The following EIF1 variants were observed in gnomAD, a reference collection of about 807,000 sequenced individuals.
The protein encoded by EIF1 is eukaryotic translation initiation factor 1, also known as protein translation factor SUI1 homolog.
A neutral mutation model predicts 13.7 loss-of-function variants in EIF1; 4 were observed. The ratio of observed to expected loss-of-function variants is 0.29; its 90% CI spans 0.14 to 0.67. The LOEUF (loss-of-function observed/expected upper bound fraction) is 0.67, where lower values mean the gene tolerates loss of function less well. Ranked by LOEUF, EIF1 falls within the 30% of genes least tolerant of loss-of-function variation. The probability of loss-of-function intolerance (pLI) is 0.77; values close to 1 mark genes in which losing one functional copy is unlikely to be tolerated. For missense variants in EIF1, 64 were observed against 138.0 expected, an observed-to-expected ratio of 0.46 and a Z score of 2.69; for synonymous variants, 67 against 50.7, an observed-to-expected ratio of 1.32 and a Z score of -1.37.
At position 41,690,764 on chromosome 17, in the gene EIF1, GCC is replaced by G. The variant is rs1351879336; in HGVS notation, c.298-16_298-15del. On this transcript the variant is annotated splice_polypyrimidine_tract_variant and intron_variant, in intron 3 of 3. Transcript: ENST00000469257. ...CTCCCTGTCCCCCATTTAAAACTTT[GCC>G]CTTTTGTCTTTTCAGATTGGACTGG... The G allele has an allele frequency of 6.2e-7, 1 of 1,613,824 alleles. No homozygotes were observed. Among genetic ancestry groups the G allele is most frequent in the African/African-American group, 1.3e-5 (1 of 75,018 alleles).
At chr17:41,690,444 C>T (rs1033096326) in intron 3 of EIF1, 8 of 550,974 alleles carry the variant, frequency 1.5e-5, no homozygotes, top group East Asian at 6.0e-5. Flanking sequence ...TAAAATAAGC[C>T]AAATGCTGGG....
chr17:41,690,639 C>G, intron 3 of EIF1, 143 bp from the exon 4 acceptor site: 1 of 799,026 alleles, frequency 1.3e-6, no homozygotes, highest in South Asian at 1.7e-5. Context: ...TAGCTCTTAA[C>G]TGAGGACCCT....
rs567353048 is a variant in EIF1 at position 41,689,620 on chromosome 17, C to T, written c.32-158C>T. ...GGGGAAGCTGGCCGTCCCGGACTGA[C>T]CTGCTCGGGGAGAGCCAGCAAAGGA... On this transcript the variant is annotated intron_variant, in intron 1 of 3. Coordinates refer to ENST00000469257, the MANE Select transcript of EIF1 (RefSeq NM_005801.4). 15 of 694,564 alleles carry T rather than the reference C, an allele frequency of 2.2e-5. No homozygotes were observed. The South Asian group carries it at 2.4e-4, about 11-fold the overall frequency. 43.0% of individuals were successfully genotyped at this position (694,564 alleles called of 1,614,324 possible).
At chr17:41,689,695 C>T (rs549266185) in intron 1 of EIF1, 83 bp from the exon 2 acceptor site, 31 of 1,405,140 alleles carry the variant, frequency 2.2e-5, no homozygotes, top group Non-Finnish European at 2.7e-5. Flanking sequence ...GTTTTCTGCA[C>T]GCGCAAAACA....
chr17:41,689,640 A>G (rs1424452662), intron 1 of EIF1, 138 bp from the exon 2 acceptor site: 1 of 847,828 alleles, frequency 1.2e-6, no homozygotes, highest in Non-Finnish European at 1.8e-6. Context: ...GAGAGCCAGC[A>G]AAGGACACAT....
In EIF1 at chr17:41,690,976, C is replaced by T; in HGVS notation, c.*150C>T. ...TTAACTTGGACTAGTGTAACTCCTT[C>T]ATGCAATAAACTGAAAAGAGCCATG... is the stretch of plus-strand genomic sequence containing the variant. On this transcript the variant is annotated 3_prime_UTR_variant, in exon 4 of 4. Transcript: ENST00000469257. The T allele has an allele frequency of 1.3e-6, 1 of 773,292 alleles. No individual in the cohort carries two copies. Among genetic ancestry groups the T allele is most frequent in the Non-Finnish European group, 2.1e-6 (1 of 467,398 alleles). 47.9% of individuals were successfully genotyped at this position (773,292 alleles called of 1,614,324 possible). A position where few individuals can be genotyped will look rare whatever the true frequency, so the allele number is the denominator to read the frequency against.
At chr17:41,689,137 C>T in intron 1 of EIF1, 68 bp downstream of exon 1, 2 of 1,566,960 alleles carry the variant, frequency 1.3e-6, no homozygotes, top group South Asian at 2.2e-5. Flanking sequence ...AGACGTGTTC[C>T]GGGAAGTTGC....
rs1403797137 is a variant in EIF1 at position 41,691,699 on chromosome 17, A to G, written c.*873A>G. 6.5e-6 allele frequency: 1 copy of G among 152,684 alleles called. No homozygotes were observed. Among genetic ancestry groups the G allele is most frequent in the African/African-American group, 2.4e-5 (1 of 41,464 alleles). The allele number at this position is 152,684 out of a possible 1,614,324, so 9.5% of individuals were successfully genotyped here. On this transcript the variant is annotated 3_prime_UTR_variant, in exon 4 of 4. Coordinates refer to ENST00000469257, the MANE Select transcript of EIF1 (RefSeq NM_005801.4). The stretch of plus-strand genomic sequence containing the variant: ...TCGATCTTGTGCATATAAAGGAACC[A>G]TAGAAATGGGCAGTGGAGGATTCGT...
chr17:41,690,690 T>C, intron 3 of EIF1, 92 bp from the exon 4 acceptor site: 1 of 1,415,848 alleles, frequency 7.1e-7, no homozygotes, highest in South Asian at 1.2e-5. Flanking sequence ...TTGGGCAGTG[T>C]AGTAGCAGGA....
intron 3 of EIF1, 74 bp from the exon 4 acceptor site, chr17:41,690,708 G>A (rs1910350103): frequency 5.2e-6 from 8 of 1,543,602 alleles, no homozygotes; most frequent in Non-Finnish European, 6.3e-6. Context: ...GGAAGACAGG[G>A]TTGTTGCCAT....
rs753469530 is a variant in EIF1, at chr17:41,692,102, CTG to C, written c.*1278_*1279del. 1.3e-5 allele frequency: 2 copies of C among 152,300 alleles called. No individual in the cohort carries two copies. The highest frequency in any genetic ancestry group is 2.9e-5 in the Non-Finnish European group (2 of 68,122). The allele number at this position is 152,300 out of a possible 1,614,324, so 9.4% of individuals were successfully genotyped here. ...TGAGCCACCATGCCCAGCAGGTCAA[CTG>C]TTTTTGCAAGCATTTAGCCAGAGTC... On this transcript the variant is annotated 3_prime_UTR_variant, in exon 4 of 4. Transcript: ENST00000469257.
chr17:41,689,760 C>T lies in EIF1; in HGVS notation c.32-18C>T. 1 of 1,583,228 alleles carries T rather than the reference C, an allele frequency of 6.3e-7. No homozygotes were observed. The highest frequency in any genetic ancestry group is 8.6e-7 in the Non-Finnish European group (1 of 1,163,282). On this transcript the variant is annotated intron_variant, in intron 1 of 3. Coordinates refer to ENST00000469257, the MANE Select transcript of EIF1 (RefSeq NM_005801.4). Reference sequence around the variant, plus strand: ...CCTATCTTTGACAGCTCTGAACGAGCTTAACCTTTTTTTTCAGACCCCTTT... The same window carrying T: ...CCTATCTTTGACAGCTCTGAACGAGTTTAACCTTTTTTTTCAGACCCCTTT...
chr17:41,690,023 C>A lies in EIF1; in HGVS notation c.196-65C>A, dbSNP rs772993621. 3.7e-6 allele frequency: 6 copies of A among 1,609,194 alleles called. No homozygotes were observed. The African/African-American group carries it at 8.0e-5, about 22-fold the overall frequency. On this transcript the variant is annotated intron_variant, in intron 2 of 3. Coordinates refer to ENST00000469257, the MANE Select transcript of EIF1 (RefSeq NM_005801.4). ...CCAGCTGTGTTGTATGTATTGTTAG[C>A]GGAAGGGGTGATAAATGCGTTCATG...
chr17:41,690,759 A>G (rs754945660), intron 3 of EIF1, 23 bp from the exon 4 acceptor site: 2 of 1,613,630 alleles, frequency 1.2e-6, no homozygotes, highest in Admixed American at 3.3e-5. Context: ...CCCATTTAAA[A>G]CTTTGCCCTT....
rs1329636873 is a variant in EIF1, at chr17:41,689,055, A to G, written c.17A>G (p.Asn6Ser). The change falls in exon 1 of 4, where the codon AAC becomes AGC. Residue 6 changes from asparagine (N) to serine (S), a missense_variant. Around this residue, in one of 2 missense-constraint regions of EIF1, gnomAD observed 29 missense variants for 34.7 expected, o/e 0.84. Transcript: ENST00000469257. ...TCGTATCGTATGTCCGCTATCCAGA[A>G]CCTCCACTCTTTCGGTAAGCTATGG... MSAIQ[N>S]LHSFDPFADA... 2 of 1,612,942 alleles carry G rather than the reference A, an allele frequency of 1.2e-6. No homozygotes were observed. The highest frequency in any genetic ancestry group is 1.7e-6 in the Non-Finnish European group (2 of 1,179,768).
chr17:41,690,041 C>T, intron 2 of EIF1, 47 bp from the exon 3 acceptor site: 1 of 1,608,136 alleles, frequency 6.2e-7, no homozygotes, highest in Non-Finnish European at 8.5e-7. Flanking sequence ...GTGATAAATG[C>T]GTTCATGCTC....
rs764582995 is a variant in EIF1 at position 41,690,191 on chromosome 17, TGA to T, written c.297+4_297+5del. 2 of 1,610,910 alleles carry T rather than the reference TGA, an allele frequency of 1.2e-6. No homozygotes were observed. The highest frequency in any genetic ancestry group is 2.7e-5 in the African/African-American group (2 of 74,874). On this transcript the variant is annotated splice_donor_region_variant and intron_variant, in intron 3 of 3. Transcript: ENST00000469257. ...AACATATGCCAGTTCCTCGTAGAGG[TGA>T]GTTCAGTCACTACTTGATTTGTGCC...
At chr17:41,690,760 C>T (rs752523019) in intron 3 of EIF1, 22 bp from the exon 4 acceptor site, 24 of 1,613,676 alleles carry the variant, frequency 1.5e-5, no homozygotes, top group Non-Finnish European at 1.9e-5. Context: ...CCATTTAAAA[C>T]TTTGCCCTTT....
chr17:41,690,743 C>T, intron 3 of EIF1, 39 bp from the exon 4 acceptor site: 1 of 1,611,736 alleles, frequency 6.2e-7, no homozygotes, highest in Non-Finnish European at 8.5e-7. Flanking sequence ...TTAACTCTCC[C>T]TGTCCCCCAT....
Sources: allele counts gnomAD v4.1 joint callset, GRCh38; gene constraint gnomAD v4.1.1; regional missense constraint gnomAD v4.1.1; transcripts MANE v1.5; gene names NCBI Gene and HGNC (gene_info 2026-07-23, HGNC 2026-07-21).